LAMA4: variants seen among roughly 807,000 people sequenced by gnomAD.
LAMA4 encodes the protein laminin subunit alpha-4.
Under a neutral mutation model 207.1 loss-of-function variants are expected in LAMA4, and 127 were observed. The observed-to-expected ratio is 0.61, with a 90% CI of 0.53 to 0.71. The LOEUF (loss-of-function observed/expected upper bound fraction) is 0.71. Among genes scored for constraint, LAMA4 ranks in the 30% least tolerant of loss-of-function variants. The probability of loss-of-function intolerance (pLI) is 0.00; values close to 1 mark genes in which losing one functional copy is unlikely to be tolerated. For missense variants in LAMA4, 2,093 were observed against 2,246.5 expected, an observed-to-expected ratio of 0.93 and a Z score of 1.38; for synonymous variants, 761 against 816.0, an observed-to-expected ratio of 0.93 and a Z score of 1.15.
chr6:112,114,757 C>A lies in LAMA4; in HGVS notation c.5113-1G>T. ...TGCCATTATTGACTTTCACTATGAC[C>A]TGCAAAAGATAGGACACATTGTATG... On this transcript the variant is annotated splice_acceptor_variant, in intron 36 of 38. Transcript: ENST00000230538. LOFTEE classifies it high-confidence loss of function. 6.3e-7 allele frequency: 1 copy of A among 1,596,130 alleles called. No individual in the cohort carries two copies. Among genetic ancestry groups the A allele is most frequent in the Non-Finnish European group, 8.6e-7 (1 of 1,163,886 alleles).
rs1438288214 is a variant in LAMA4 at position 112,117,306 on chromosome 6, C to T, written c.4981+433G>A. On this transcript the variant is annotated intron_variant, in intron 35 of 38. Coordinates refer to ENST00000230538, the MANE Select transcript of LAMA4 (RefSeq NM_001105206.3). This position sits in a 1 kb window ranked among gnomAD's most constrained non-coding sequence, Gnocchi z 4.5. ...AATGGTCAAGGAGAATAATAAAAAG[C>T]CAGAAATAAAAATTTCTGAAGGATA... is the stretch of plus-strand genomic sequence containing the variant. Among the ~76,000 whole-genome samples the T allele has an allele frequency of 6.6e-6, 1 of 152,054 alleles. No homozygotes were observed. Among genetic ancestry groups the T allele is most frequent in the East Asian group, 1.9e-4 (1 of 5,196 alleles).
chr6:112,253,676 C>T (rs2114483360), intron 2 of LAMA4: 1 of 1,482,042 alleles, frequency 6.7e-7, no homozygotes, highest in Non-Finnish European at 9.4e-7. Flanking sequence ...CTGCTGCAGT[C>T]CCCGGTGAGA....
intron 2 of LAMA4, among the ~76,000 whole-genome samples, chr6:112,238,368 T>A (rs141315250): frequency 6.6e-6 from 1 of 152,112 alleles, no homozygotes; most frequent in African/African-American, 2.4e-5. Context: ...AGAAATACAA[T>A]GTGGCAGTAC....
In LAMA4 at chr6:112,134,571, C is replaced by G; in HGVS notation, c.3453G>C (p.Leu1151Phe). Residue 1151 changes from leucine to phenylalanine, a missense_variant, in exon 26 of 39, where the codon TTG becomes TTC. Coordinates refer to ENST00000230538, the MANE Select transcript of LAMA4 (RefSeq NM_001105206.3). ...IIYHNDKKMI[L>F]VVDRRHVKSM... ...TCTTGACATGCCTTCTGTCAACTAC[C>G]AAGATCATTTTCTTATCATTGTGGT... 6.2e-7 allele frequency: 1 copy of G among 1,610,816 alleles called. No homozygotes were observed. The highest frequency in any genetic ancestry group is 8.5e-7 in the Non-Finnish European group (1 of 1,177,528).
intron 18 of LAMA4, among the ~76,000 whole-genome samples, chr6:112,146,472 C>G (rs782338935): frequency 3.3e-5 from 5 of 152,156 alleles, no homozygotes; most frequent in Non-Finnish European, 7.4e-5. Context: ...GGCCCTGTCC[C>G]GAGCCCACTG....
In LAMA4 at chr6:112,120,303, T is replaced by A. The variant is rs141261442; in HGVS notation, c.4645A>T (p.Asn1549Tyr). ...KLKIRSQEKY[N>Y]DGLWHDVIFI... The stretch of plus-strand genomic sequence containing the variant: ...CTTACATCATGCCACAGGCCATCAT[T>A]GTATTTCTCCTGGCTTCTAATCTTC... The change falls in exon 33 of 39, where the codon AAT becomes TAT. Residue 1549 changes from asparagine to tyrosine, a missense_variant. Coordinates refer to ENST00000230538, the MANE Select transcript of LAMA4 (RefSeq NM_001105206.3). 3.0e-4 allele frequency: 489 copies of A among 1,613,780 alleles called. No homozygotes were observed. The highest frequency in any genetic ancestry group is 4.0e-4 in the Non-Finnish European group (468 of 1,179,978).
intron 5 of LAMA4, among the ~76,000 whole-genome samples, chr6:112,195,823 G>T (rs188710955): frequency 6.6e-6 from 1 of 152,068 alleles, no homozygotes; most frequent in Non-Finnish European, 1.5e-5. Flanking sequence ...GGTATTGAAC[G>T]TTGAGGGTCT....
chr6:112,218,098 C>G (rs961652064), intron 2 of LAMA4: 1 of 152,078 alleles, frequency 6.6e-6, no homozygotes, highest in Non-Finnish European at 1.5e-5. Flanking sequence ...GGTCATGACC[C>G]ATAAAATTGA....
Position 112,175,465 on chromosome 6 carries a change from A to G in LAMA4, c.1205T>C (p.Met402Thr), listed in dbSNP as rs1219775181. 7 of 1,614,100 alleles carry G rather than the reference A, an allele frequency of 4.3e-6. No homozygotes were observed. Among genetic ancestry groups the G allele is most frequent in the African/African-American group, 2.7e-5 (2 of 74,946 alleles). Residue 402 changes from methionine (M) to threonine (T), a missense_variant, in exon 11 of 39, where the codon ATG (methionine) becomes ACG (threonine). Physicochemically the swap from Met to Thr is moderately conservative, Grantham distance 81 (BLOSUM62 -1). This residue lies in a region of LAMA4 where 1,704 missense variants were observed against 1,788.4 expected (regional missense o/e 0.95). Transcript: ENST00000230538. ...RDKIQEINNK[M>T]LYYGEEHELS... ...TTCATGCTCTTCCCCATAATAGAGCATCTTGTTGTTGATCTCTGAAAGGAA... is the reference window on the plus strand; with the variant it reads ...TTCATGCTCTTCCCCATAATAGAGCGTCTTGTTGTTGATCTCTGAAAGGAA...
intron 3 of LAMA4, among the ~76,000 whole-genome samples, chr6:112,210,861 T>C (rs1477953363): frequency 2.0e-5 from 3 of 152,176 alleles, no homozygotes; most frequent in African/African-American, 4.8e-5. Flanking sequence ...TGTCTTAACA[T>C]GGAATTGGTA....
At chr6:112,171,146 C>T (rs1781684738) in intron 12 of LAMA4, among the ~76,000 whole-genome samples, 1 of 152,088 alleles carries the variant, frequency 6.6e-6, no homozygotes, top group South Asian at 2.1e-4. Flanking sequence ...GATGAAACCA[C>T]ACCTTACTAT....
At chr6:112,122,477 T>C (rs1778420460) in intron 31 of LAMA4, among the ~76,000 whole-genome samples, 1 of 152,190 alleles carries the variant, frequency 6.6e-6, no homozygotes. Context: ...TAGAGACAAC[T>C]GCTCTATCAT....
rs781829741 is a variant in LAMA4, at chr6:112,191,702, C to T, written c.652G>A (p.Gly218Arg). Reference protein sequence around the residue: ...QCRNCLRNTTGFKCERCAPGY... With the variant: ...QCRNCLRNTTRFKCERCAPGY... ...GGAGCGCAACGTTCACACTTGAATC[C>T]GGTGGTGTTGCGTAAGCAATTCCTA... The change falls in exon 6 of 39, where the codon GGA (glycine) becomes AGA (arginine). Residue 218 changes from glycine to arginine, a missense_variant. Around this residue, in one of 3 missense-constraint regions of LAMA4, gnomAD observed 1,704 missense variants for 1,788.4 expected, o/e 0.95. Coordinates refer to ENST00000230538, the MANE Select transcript of LAMA4 (RefSeq NM_001105206.3). The T allele has an allele frequency of 1.5e-5, 24 of 1,613,962 alleles. No homozygotes were observed. Among genetic ancestry groups the T allele is most frequent in the South Asian group, 7.7e-5 (7 of 91,082 alleles).
chr6:112,137,906 TCA>T (rs529869079), intron 24 of LAMA4, among the ~76,000 whole-genome samples: 163 of 152,308 alleles, frequency 1.1e-3, no homozygotes, highest in African/African-American at 3.9e-3. Flanking sequence ...AAACATACTG[TCA>T]CATCAATGTA....
intron 2 of LAMA4, among the ~76,000 whole-genome samples, chr6:112,250,065 C>T (rs1554189462): frequency 1.3e-5 from 2 of 152,020 alleles, no homozygotes; most frequent in East Asian, 1.9e-4. Context: ...ATTGCTCTTT[C>T]GAGGTAAGGC....
At chr6:112,154,656 A>ATTTTTTT in intron 16 of LAMA4, 195 bp downstream of exon 16, 1 of 567,890 alleles carries the variant, frequency 1.8e-6, no homozygotes, top group Non-Finnish European at 3.1e-6. Flanking sequence ...ACTACATAGC[A>ATTTTTTT]TTTTTTTTTT....
intron 2 of LAMA4, among the ~76,000 whole-genome samples, chr6:112,238,906 A>G (rs1562767718): frequency 6.6e-6 from 1 of 152,224 alleles, no homozygotes; most frequent in Non-Finnish European, 1.5e-5. Context: ...TACTTAATAC[A>G]TTTCACTTCG....
intron 9 of LAMA4, among the ~76,000 whole-genome samples, chr6:112,183,961 A>AG (rs1782524893): frequency 6.6e-6 from 1 of 151,558 alleles, no homozygotes; most frequent in African/African-American, 2.4e-5. Flanking sequence ...AAAAAAAAAA[A>AG]AAAAAAAAGA....
At chr6:112,202,175 C>T (rs1783787373) in intron 4 of LAMA4, among the ~76,000 whole-genome samples, 1 of 152,168 alleles carries the variant, frequency 6.6e-6, no homozygotes, top group African/African-American at 2.4e-5. Context: ...GTTGCTGAGA[C>T]TGGCTGCGTC....
Sources: allele counts gnomAD v4.1 joint callset (sites outside exome capture counted in the v4.1 genomes callset), GRCh38; gene constraint gnomAD v4.1.1; regional missense constraint gnomAD v4.1.1; non-coding constraint Gnocchi (gnomAD v3.1); transcripts MANE v1.5; gene names NCBI Gene and HGNC (gene_info 2026-07-23, HGNC 2026-07-21).